Variants in KAZN observed in about 807,000 individuals in gnomAD.
The protein encoded by KAZN is kazrin, periplakin interacting protein, also known as kazrin.
In KAZN, 40 loss-of-function variants were observed where a neutral mutation model predicts 87.4. The ratio of observed to expected loss-of-function variants is 0.46; its 90% CI spans 0.36 to 0.60. KAZN has a LOEUF of 0.60. KAZN is among the 20% of genes least tolerant of loss of function. The pLI is 0.00. For missense variants in KAZN, 898 were observed against 1,073.9 expected, an observed-to-expected ratio of 0.84 and a Z score of 2.29; for synonymous variants, 466 against 458.3, an observed-to-expected ratio of 1.02 and a Z score of -0.22.
intron 1 of KAZN, among the ~76,000 whole-genome samples, chr1:14,177,112 C>T (rs998863364): frequency 5.3e-5 from 8 of 151,930 alleles, no homozygotes; most frequent in East Asian, 1.9e-4. Flanking sequence ...GAGCTGAGAT[C>T]GAGCCACTGC....
chr1:13,975,857 T>C (rs10927977), intron 1 of KAZN, among the ~76,000 whole-genome samples: 22,005 of 152,234 alleles, frequency 0.14, 1,710 homozygotes, highest in South Asian at 0.21. Context: ...AGTACACGCA[T>C]AGTAAACCCA....
At chr1:13,939,401 T>A (rs1424632516) in intron 1 of KAZN, among the ~76,000 whole-genome samples, 1 of 152,242 alleles carries the variant, frequency 6.6e-6, no homozygotes, top group African/African-American at 2.4e-5. Flanking sequence ...TGCTAAGGCA[T>A]AATAAGAGTG....
At chr1:14,012,023 G>T (rs1429443559) in intron 1 of KAZN, among the ~76,000 whole-genome samples, 1 of 152,044 alleles carries the variant, frequency 6.6e-6, no homozygotes, top group African/African-American at 2.4e-5. Context: ...TTGTGGGTGG[G>T]GAGAAATGCT....
chr1:14,254,064 A>G (rs1366801101), intron 2 of KAZN, among the ~76,000 whole-genome samples: 1 of 152,094 alleles, frequency 6.6e-6, no homozygotes, highest in East Asian at 1.9e-4. Context: ...CACATAAAAA[A>G]CATAAAAATC....
At chr1:14,818,332 T>C (rs570068927) in intron 1 of KAZN, among the ~76,000 whole-genome samples, 4 of 152,336 alleles carry the variant, frequency 2.6e-5, no homozygotes, top group Non-Finnish European at 5.9e-5. Context: ...CCACTAAAAC[T>C]GGGTGATCTG....
chr1:14,526,624 C>T (rs191603826), intron 2 of KAZN, among the ~76,000 whole-genome samples: 2 of 152,282 alleles, frequency 1.3e-5, no homozygotes, highest in African/African-American at 4.8e-5. Context: ...TTCTTATCTC[C>T]CTGCTCTTGA....
intron 1 of KAZN, among the ~76,000 whole-genome samples, chr1:14,721,276 G>A (rs886955005): frequency 6.6e-6 from 1 of 152,174 alleles, no homozygotes; most frequent in African/African-American, 2.4e-5. Flanking sequence ...GAGTTCTCAC[G>A]AGATCTGGTG....
chr1:14,638,583 A>C (rs1027649414), intron 1 of KAZN, among the ~76,000 whole-genome samples: 10 of 151,836 alleles, frequency 6.6e-5, no homozygotes, highest in Admixed American at 1.3e-4. Context: ...AAAAAACAAA[A>C]AAAAAAAAAC....
chr1:14,724,516 C>T (rs778099054), intron 1 of KAZN, among the ~76,000 whole-genome samples: 3 of 152,194 alleles, frequency 2.0e-5, no homozygotes, highest in South Asian at 2.1e-4. Flanking sequence ...TCTGGGTCCT[C>T]GAATGAGTCA....
At chr1:14,863,647 A>C (rs1187864603) in intron 1 of KAZN, among the ~76,000 whole-genome samples, 1 of 152,226 alleles carries the variant, frequency 6.6e-6, no homozygotes, top group Non-Finnish European at 1.5e-5. Context: ...GTAAAGAATC[A>C]AAATACCATC....
intron 1 of KAZN, among the ~76,000 whole-genome samples, chr1:14,755,012 C>A (rs1474688): frequency 6.7e-6 from 1 of 149,942 alleles, no homozygotes; most frequent in Non-Finnish European, 1.5e-5. Context: ...GCGGCCAAGG[C>A]GGGAGGATCG....
At chr1:14,250,053 C>T (rs16853856) in intron 2 of KAZN, among the ~76,000 whole-genome samples, 11,544 of 152,026 alleles carry the variant, frequency 0.076, 547 homozygotes, top group African/African-American at 0.13. Flanking sequence ...TCTAGACTTA[C>T]AGAGTTTGGA....
At chr1:14,276,563 C>G (rs956768351) in intron 2 of KAZN, among the ~76,000 whole-genome samples, 1 of 152,134 alleles carries the variant, frequency 6.6e-6, no homozygotes, top group African/African-American at 2.4e-5. Flanking sequence ...TCTCCTACCT[C>G]CTGGCAGCTT....
chr1:14,122,824 T>G (rs1022674467), intron 1 of KAZN, among the ~76,000 whole-genome samples: 1 of 152,198 alleles, frequency 6.6e-6, no homozygotes, highest in African/African-American at 2.4e-5. Flanking sequence ...TTTTTTGTCC[T>G]TGTTTTTGGA....
intron 1 of KAZN, among the ~76,000 whole-genome samples, chr1:14,785,242 G>A (rs548154313): frequency 5.9e-5 from 9 of 152,264 alleles, no homozygotes; most frequent in South Asian, 4.1e-4. Flanking sequence ...AAGCAAGCAA[G>A]GCAGCCCTGT....
At chr1:15,063,731 G>A (rs986162857) in intron 7 of KAZN, 109 bp downstream of exon 7, 5 of 891,204 alleles carry the variant, frequency 5.6e-6, no homozygotes, top group African/African-American at 3.3e-5. Flanking sequence ...CCAAGGTGGA[G>A]AGGATTTATG....
At chr1:14,332,791 G>T (rs897415060) in intron 2 of KAZN, among the ~76,000 whole-genome samples, 1 of 152,132 alleles carries the variant, frequency 6.6e-6, no homozygotes, top group African/African-American at 2.4e-5. Context: ...GAGAATTCCT[G>T]TGCCTTTGTT....
chr1:14,957,879 G>A (rs781676063), intron 1 of KAZN, among the ~76,000 whole-genome samples: 16 of 152,208 alleles, frequency 1.1e-4, no homozygotes, highest in African/African-American at 2.7e-4. Flanking sequence ...AGGCGCCCTC[G>A]GGCTTCTGTG....
chr1:14,586,773 C>T (rs924433256), intron 2 of KAZN, among the ~76,000 whole-genome samples: 1 of 152,092 alleles, frequency 6.6e-6, no homozygotes, highest in Non-Finnish European at 1.5e-5. Context: ...CTCTCGGGCT[C>T]AAGTGATCCT....
Sources: gnomAD v4.1 joint callset for allele counts (sites outside exome capture counted in the v4.1 genomes callset) on GRCh38, gnomAD v4.1.1 for gene constraint, MANE v1.5 for transcripts, NCBI Gene and HGNC (gene_info 2026-07-23, HGNC 2026-07-21) for gene names.